PNPT1: variants seen among roughly 807,000 people sequenced by gnomAD.
The protein encoded by PNPT1 is polyribonucleotide nucleotidyltransferase 1, mitochondrial.
PNPT1 carries 53 observed loss-of-function variants against 119.5 expected under a neutral mutation model. The ratio of observed to expected loss-of-function variants is 0.44; its 90% CI spans 0.36 to 0.56. PNPT1 has a LOEUF of 0.56. Among genes scored for constraint, PNPT1 ranks in the 20% least tolerant of loss-of-function variants. The probability of loss-of-function intolerance (pLI) is 0.00; values close to 1 mark genes in which losing one functional copy is unlikely to be tolerated. For synonymous variants in PNPT1, 357 were observed against 322.1 expected, an observed-to-expected ratio of 1.11 and a Z score of -1.16; for missense variants, 948 against 938.5, an observed-to-expected ratio of 1.01 and a Z score of -0.13.
chr2:55,644,982 T>A, intron 22 of PNPT1: 1 of 341,338 alleles, frequency 2.9e-6, no homozygotes, highest in Non-Finnish European at 5.2e-6. Context: ...GCAGTAATAT[T>A]CATTCATATA....
intron 26 of PNPT1, among the ~76,000 whole-genome samples, chr2:55,639,212 G>A (rs953893271): frequency 2.0e-5 from 3 of 152,076 alleles, no homozygotes; most frequent in Admixed American, 2.0e-4. Context: ...GATGAATATA[G>A]GAGAAAGATA....
chr2:55,680,196 G>T lies in PNPT1; in HGVS notation c.566-401C>A, dbSNP rs148295422. Among the ~76,000 whole-genome samples, 311 of 152,222 alleles carry T rather than the reference G, an allele frequency of 2.0e-3. 2 individuals carry two copies. The highest frequency in any genetic ancestry group is 5.8e-3 in the African/African-American group (241 of 41,534). ...TTCTCTATCATATTCTTAGCACTTT[G>T]ACTATGTCTTTATAATAACACTGAT... On this transcript the variant is annotated intron_variant, in intron 7 of 27. Coordinates refer to ENST00000447944, the MANE Select transcript of PNPT1 (RefSeq NM_033109.5).
At chr2:55,692,741 T>C (rs1697656220) in intron 1 of PNPT1, among the ~76,000 whole-genome samples, 1 of 152,202 alleles carries the variant, frequency 6.6e-6, no homozygotes, top group Non-Finnish European at 1.5e-5. Flanking sequence ...TTCAAAAAAC[T>C]GACTTTTCCT....
chr2:55,662,611 T>C (rs961925474), intron 13 of PNPT1, among the ~76,000 whole-genome samples: 1 of 151,930 alleles, frequency 6.6e-6, no homozygotes, highest in African/African-American at 2.4e-5. Context: ...ACAGGCGAGG[T>C]TGCAGTGAGC....
At chr2:55,683,934 A>G (rs1459115173) in intron 4 of PNPT1, 100 bp from the exon 5 acceptor site, 2 of 1,166,438 alleles carry the variant, frequency 1.7e-6, no homozygotes, top group South Asian at 1.4e-5. Context: ...TATGTTTTCA[A>G]GAAAAATCCC....
chr2:55,684,376 A>G lies in PNPT1; in HGVS notation c.404-542T>C, dbSNP rs535206868. Reference sequence around the variant, plus strand: ...ATGGTGGTGGGCACCTGTAATCCCAATCACTTGAACCCGGGAGGTAGAGGT... The same window carrying G: ...ATGGTGGTGGGCACCTGTAATCCCAGTCACTTGAACCCGGGAGGTAGAGGT... On this transcript the variant is annotated intron_variant, in intron 4 of 27. Transcript: ENST00000447944. Among the ~76,000 whole-genome samples the G allele has an allele frequency of 5.3e-5, 8 of 152,248 alleles. No individual in the cohort carries two copies. In the South Asian group the frequency reaches 1.2e-3, roughly 24 times the overall value.
intron 8 of PNPT1, among the ~76,000 whole-genome samples, chr2:55,676,778 C>G (rs1381474571): frequency 6.6e-6 from 1 of 151,644 alleles, no homozygotes; most frequent in African/African-American, 2.4e-5. Flanking sequence ...AAGAGAATCA[C>G]TTGAACCTGG....
At chr2:55,667,266 C>T (rs1483060142) in intron 12 of PNPT1, among the ~76,000 whole-genome samples, 173 bp from the exon 13 acceptor site, 2 of 152,078 alleles carry the variant, frequency 1.3e-5, no homozygotes, top group East Asian at 3.8e-4. Context: ...ATCAGAATGT[C>T]TGAAGTTGAA....
At chr2:55,643,045 T>C in intron 25 of PNPT1, 113 bp downstream of exon 25, 2 of 1,121,088 alleles carry the variant, frequency 1.8e-6, no homozygotes, top group East Asian at 2.4e-5. Context: ...TCCCAGGAGT[T>C]CAAGGCAGCT....
At chr2:55,658,793 T>A (rs1324560632) in intron 15 of PNPT1, among the ~76,000 whole-genome samples, 1 of 152,168 alleles carries the variant, frequency 6.6e-6, no homozygotes, top group Non-Finnish European at 1.5e-5. Context: ...TGAATCTTGA[T>A]GTTTATGGAT....
rs753018790 is a variant in PNPT1, at chr2:55,654,939, C to A, written c.1456G>T (p.Ala486Ser). 7.4e-6 allele frequency: 12 copies of A among 1,612,676 alleles called. No homozygotes were observed. In the African/African-American group the frequency reaches 1.6e-4, roughly 22 times the overall value. The change falls in exon 18 of 28, where the codon GCA (alanine) becomes TCA (serine). Residue 486 changes from alanine (A) to serine (S), a missense_variant. Ala to Ser is a moderately conservative substitution (Grantham distance 99). Coordinates refer to ENST00000447944, the MANE Select transcript of PNPT1 (RefSeq NM_033109.5). Reference protein sequence around the residue: ...VLESNGSSSMASACGGSLALM... With the variant: ...VLESNGSSSMSSACGGSLALM... ...GCTAAACTTCCGCCACATGCAGATG[C>A]CATAGAAGATGACCCTATAGAAAGA...
At chr2:55,643,240 T>C (rs768711081) in intron 24 of PNPT1, 27 bp from the exon 25 acceptor site, 21 of 1,613,938 alleles carry the variant, frequency 1.3e-5, no homozygotes, top group South Asian at 1.2e-4. Flanking sequence ...AGCCATAAGA[T>C]TCATAAAGAA....
intron 13 of PNPT1, among the ~76,000 whole-genome samples, chr2:55,662,757 T>G (rs1284023052): frequency 6.6e-6 from 1 of 152,100 alleles, no homozygotes. Context: ...CTACAATGTA[T>G]CATTCACAAC....
intron 4 of PNPT1, 104 bp from the exon 5 acceptor site, chr2:55,683,938 A>G: frequency 8.9e-7 from 1 of 1,124,394 alleles, no homozygotes; most frequent in South Asian, 1.4e-5. Context: ...TTTTCAAGAA[A>G]AATCCCCTTG....
chr2:55,634,577 T>G lies in PNPT1; in HGVS notation c.*1660A>C, dbSNP rs1382435994. ...GTGCCCACCATTTTTTTTTTTGAGA[T>G]GGAGTTTTACTCTTTTTGCCCAGGC... On this transcript the variant is annotated 3_prime_UTR_variant, in exon 28 of 28. Coordinates refer to ENST00000447944, the MANE Select transcript of PNPT1 (RefSeq NM_033109.5). The G allele has an allele frequency of 6.8e-6, 1 of 146,056 alleles. No individual in the cohort carries two copies. The highest frequency in any genetic ancestry group is 2.5e-5 in the African/African-American group (1 of 39,304). The allele number at this position is 146,056 out of a possible 1,614,324, so 9.0% of individuals were successfully genotyped here.
chr2:55,655,501 A>G (rs1696357486), intron 17 of PNPT1, among the ~76,000 whole-genome samples: 1 of 152,228 alleles, frequency 6.6e-6, no homozygotes, highest in South Asian at 2.1e-4. Context: ...CTTGCTTATC[A>G]GAAGTAGTTA....
chr2:55,644,825 G>A, intron 22 of PNPT1, 105 bp from the exon 23 acceptor site: 2 of 581,678 alleles, frequency 3.4e-6, no homozygotes, highest in Non-Finnish European at 5.6e-6. Flanking sequence ...CTAGACACAT[G>A]TAAAAATATT....
rs773582221 is a variant in PNPT1, at chr2:55,647,425, G to T, written c.1524C>A (p.Gly508=). Reference sequence around the variant, plus strand: ...TTTTGGTGACCAATCCTATTGCTACGCCTGCAACAGCAGATGAAATTGGAA... The same window carrying T: ...TTTTGGTGACCAATCCTATTGCTACTCCTGCAACAGCAGATGAAATTGGAA... ...SGVPISSAVA[G]VAIGLVTKTD... The change falls in exon 19 of 28, where the codon GGC becomes GGA. Residue 508 remains glycine, a synonymous_variant. Transcript: ENST00000447944. 71 of 1,607,918 alleles carry T rather than the reference G, an allele frequency of 4.4e-5. No homozygotes were observed. The highest frequency in any genetic ancestry group is 6.0e-5 in the Non-Finnish European group (70 of 1,176,178).
chr2:55,684,586 A>C (rs1232047013), intron 4 of PNPT1, among the ~76,000 whole-genome samples: 1 of 152,272 alleles, frequency 6.6e-6, no homozygotes, highest in African/African-American at 2.4e-5. Flanking sequence ...AATGTTTAGG[A>C]ATTACTATTC....
Sources: gnomAD v4.1 joint callset for allele counts (sites outside exome capture counted in the v4.1 genomes callset) on GRCh38, gnomAD v4.1.1 for gene constraint, MANE v1.5 for transcripts, NCBI Gene and HGNC (gene_info 2026-07-23, HGNC 2026-07-21) for gene names.